Variants in UTRN observed in about 807,000 individuals in gnomAD.
UTRN encodes utrophin.
A neutral mutation model predicts 463.9 loss-of-function variants in UTRN; 283 were observed. That is an observed-to-expected ratio of 0.61 (90% CI 0.55 to 0.67). The LOEUF (loss-of-function observed/expected upper bound fraction) is 0.67, where lower values mean the gene tolerates loss of function less well. Ranked by LOEUF, UTRN falls within the 30% of genes least tolerant of loss-of-function variation. UTRN has a pLI of 0.00. For synonymous variants in UTRN, 1,442 were observed against 1,431.5 expected, an observed-to-expected ratio of 1.01 and a Z score of -0.17; for missense variants, 3,922 against 4,084.3, an observed-to-expected ratio of 0.96 and a Z score of 1.08.
intron 35 of UTRN, among the ~76,000 whole-genome samples, chr6:144,512,926 G>A (rs530833989): frequency 6.6e-6 from 1 of 152,208 alleles, no homozygotes; most frequent in South Asian, 2.1e-4. Flanking sequence ...GCATTTTCCA[G>A]TTTCTTTTAT....
chr6:144,474,874 C>A, intron 25 of UTRN, 115 bp downstream of exon 25: 1 of 1,223,282 alleles, frequency 8.2e-7, no homozygotes, highest in Non-Finnish European at 1.1e-6. Flanking sequence ...TCTAGAATAA[C>A]TCCAGCATGG....
intron 34 of UTRN, among the ~76,000 whole-genome samples, chr6:144,506,459 G>C (rs1225024377): frequency 1.3e-5 from 2 of 152,144 alleles, no homozygotes; most frequent in African/African-American, 4.8e-5. Flanking sequence ...AGGCCTCATG[G>C]TGACAGAATA....
chr6:144,487,316 T>C (rs2128577148), intron 28 of UTRN, among the ~76,000 whole-genome samples: 1 of 152,314 alleles, frequency 6.6e-6, no homozygotes, highest in South Asian at 2.1e-4. Flanking sequence ...TGAAATTATT[T>C]TTGTGAAATT....
chr6:144,363,470 C>T (rs535416978), intron 2 of UTRN, among the ~76,000 whole-genome samples: 1 of 152,234 alleles, frequency 6.6e-6, no homozygotes, highest in South Asian at 2.1e-4. Flanking sequence ...GTTTATTTTC[C>T]ACCTGGGCCT....
chr6:144,317,544 C>T lies in UTRN; in HGVS notation c.79+25637C>T, dbSNP rs149170448. ...CCTAAATAGCTGGGATTACAGGCAC[C>T]CACCACCATGCCTAGCTAATTTCTG... On this transcript the variant is annotated intron_variant, in intron 2 of 74. Coordinates refer to ENST00000367545, the MANE Select transcript of UTRN (RefSeq NM_007124.3). 3.4e-3 allele frequency among the ~76,000 whole-genome samples: 522 copies of T among 152,102 alleles called. 2 individuals are homozygous for T. The highest frequency in any genetic ancestry group is 5.8e-3 in the Non-Finnish European group (393 of 67,972).
intron 2 of UTRN, among the ~76,000 whole-genome samples, chr6:144,387,761 G>C (rs1781542041): frequency 6.6e-6 from 1 of 152,168 alleles, no homozygotes; most frequent in African/African-American, 2.4e-5. Context: ...ATACATTTCT[G>C]TCTCCCATCC....
chr6:144,808,657 G>A (rs1778352915), intron 65 of UTRN, among the ~76,000 whole-genome samples: 1 of 151,866 alleles, frequency 6.6e-6, no homozygotes, highest in African/African-American at 2.4e-5. Flanking sequence ...CCTTTGACCA[G>A]TCTCTTCTCT....
chr6:144,487,909 T>G (rs1792632935), intron 29 of UTRN, among the ~76,000 whole-genome samples: 1 of 152,206 alleles, frequency 6.6e-6, no homozygotes, highest in Non-Finnish European at 1.5e-5. Context: ...TTAAAAAAAT[T>G]ATTTTTGAGA....
At chr6:144,453,907 T>C in intron 19 of UTRN, 38 bp downstream of exon 19, 1 of 1,568,654 alleles carries the variant, frequency 6.4e-7, no homozygotes, top group Middle Eastern at 1.7e-4. Flanking sequence ...ATTTTTCAGA[T>C]GGTGGCATCG....
At chr6:144,510,857 G>T in intron 34 of UTRN, 87 bp from the exon 35 acceptor site, 1 of 1,199,684 alleles carries the variant, frequency 8.3e-7, no homozygotes. Flanking sequence ...TGTATATGTG[G>T]CAGAAAAGTT....
chr6:144,331,629 G>A (rs1776338331), intron 2 of UTRN, among the ~76,000 whole-genome samples: 1 of 152,134 alleles, frequency 6.6e-6, no homozygotes. Flanking sequence ...CTCTCTGCTG[G>A]TGCCAAGTTA....
chr6:144,454,202 G>A (rs1482410893), intron 19 of UTRN, among the ~76,000 whole-genome samples: 1 of 152,156 alleles, frequency 6.6e-6, no homozygotes, highest in African/African-American at 2.4e-5. Flanking sequence ...TTGCAGGGTG[G>A]TAGCAAAAGA....
At chr6:144,310,428 CAGTA>C (rs1021744992) in intron 2 of UTRN, among the ~76,000 whole-genome samples, 1 of 151,410 alleles carries the variant, frequency 6.6e-6, no homozygotes, top group African/African-American at 2.4e-5. Context: ...CCCAGCTACT[CAGTA>C]GGCTGAGGCA....
At chr6:144,651,254 T>C (rs1186730187) in intron 51 of UTRN, among the ~76,000 whole-genome samples, 4 of 152,138 alleles carry the variant, frequency 2.6e-5, no homozygotes, top group Non-Finnish European at 5.9e-5. Flanking sequence ...GGTATACATA[T>C]AATAATAAGA....
At chr6:144,605,461 C>T (rs1804741737) in intron 51 of UTRN, among the ~76,000 whole-genome samples, 1 of 151,794 alleles carries the variant, frequency 6.6e-6, no homozygotes, top group Admixed American at 6.6e-5. Context: ...CATTATGAAA[C>T]TCCAATTCCA....
chr6:144,573,582 A>C (rs7767389), intron 50 of UTRN, among the ~76,000 whole-genome samples: 1 of 151,658 alleles, frequency 6.6e-6, no homozygotes, highest in Non-Finnish European at 1.5e-5. Context: ...AATAATCCCA[A>C]CTACTTGGGA....
At chr6:144,801,294 ATTAT>A (rs904739855) in intron 64 of UTRN, among the ~76,000 whole-genome samples, 32 of 152,048 alleles carry the variant, frequency 2.1e-4, no homozygotes, top group Non-Finnish European at 4.0e-4. Context: ...TGGTGACTTA[ATTAT>A]TGCACAAAGA....
At chr6:144,759,941 A>G (rs1360005465) in intron 58 of UTRN, among the ~76,000 whole-genome samples, 1 of 152,196 alleles carries the variant, frequency 6.6e-6, no homozygotes, top group Non-Finnish European at 1.5e-5. Context: ...TATTGAATTG[A>G]CTTAGAGTCT....
intron 34 of UTRN, among the ~76,000 whole-genome samples, chr6:144,499,855 A>T (rs1248856296): frequency 1.3e-5 from 2 of 152,164 alleles, no homozygotes; most frequent in Non-Finnish European, 2.9e-5. Flanking sequence ...CTTGTAAGCG[A>T]GAACGTGGTA....
Sources: allele counts gnomAD v4.1 joint callset (sites outside exome capture counted in the v4.1 genomes callset), GRCh38; gene constraint gnomAD v4.1.1; transcripts MANE v1.5; gene names NCBI Gene and HGNC (gene_info 2026-07-23, HGNC 2026-07-21).